Variants in CCDC158 observed in about 807,000 individuals in gnomAD.
CCDC158 encodes coiled-coil domain-containing protein 158.
In CCDC158, 116 loss-of-function variants were observed where a neutral mutation model predicts 138.6. The observed-to-expected ratio is 0.84, with a 90% CI of 0.72 to 0.98. The LOEUF (loss-of-function observed/expected upper bound fraction) is 0.98, where lower values mean the gene tolerates loss of function less well. CCDC158 is among the 50% of genes least tolerant of loss of function. The pLI is 0.00. For missense variants in CCDC158, 1,265 were observed against 1,306.1 expected, an observed-to-expected ratio of 0.97 and a Z score of 0.48; for synonymous variants, 436 against 442.4, an observed-to-expected ratio of 0.99 and a Z score of 0.18.
rs182481023 is a variant in CCDC158 at position 76,388,099 on chromosome 4, G to C, written c.289-3434C>G. On this transcript the variant is annotated intron_variant, in intron 4 of 24. Transcript: ENST00000682701. ...GTGATACCCTGAGAGTATGCTTTGG[G>C]CCTTGGGCTCTGAGATGTGCTGGCT... 2.9e-3 allele frequency among the ~76,000 whole-genome samples: 438 copies of C among 152,224 alleles called. 3 individuals carry two copies. Among genetic ancestry groups the C allele is most frequent in the African/African-American group, 0.01 (423 of 41,528 alleles).
chr4:76,349,633 A>C (rs979505618), intron 18 of CCDC158, among the ~76,000 whole-genome samples: 2 of 152,226 alleles, frequency 1.3e-5, no homozygotes, highest in African/African-American at 4.8e-5. Context: ...GCACCATTGC[A>C]CTCCAGCCTC....
At chr4:76,384,753 C>A (rs910596351) in intron 4 of CCDC158, 88 bp from the exon 5 acceptor site, 6 of 872,890 alleles carry the variant, frequency 6.9e-6, no homozygotes, top group African/African-American at 3.4e-5. Context: ...TATATATTTT[C>A]AATTCATTTT....
At chr4:76,345,046 C>T (rs879107056) in intron 18 of CCDC158, 15 of 1,362,212 alleles carry the variant, frequency 1.1e-5, no homozygotes, top group Admixed American at 3.4e-5. Context: ...ATAGGATCAA[C>T]GATTCTTGTG....
chr4:76,324,311 C>T (rs1720323837), intron 23 of CCDC158, among the ~76,000 whole-genome samples: 1 of 151,826 alleles, frequency 6.6e-6, no homozygotes, highest in African/African-American at 2.4e-5. Context: ...CCTCAGCCTC[C>T]CAAGTAGCTG....
intron 8 of CCDC158, among the ~76,000 whole-genome samples, chr4:76,380,739 G>A (rs1379710914): frequency 6.6e-6 from 1 of 152,208 alleles, no homozygotes; most frequent in East Asian, 1.9e-4. Context: ...TGGGGAAAAT[G>A]TCTCCGGGGC....
intron 1 of CCDC158, among the ~76,000 whole-genome samples, chr4:76,416,522 C>A (rs1277338525): frequency 1.3e-5 from 2 of 152,236 alleles, no homozygotes; most frequent in Non-Finnish European, 2.9e-5. Context: ...TGGCAGCCCA[C>A]CCCAACACAG....
intron 3 of CCDC158, 31 bp downstream of exon 3, chr4:76,403,107 T>C: frequency 6.8e-7 from 1 of 1,464,892 alleles, no homozygotes; most frequent in Non-Finnish European, 9.5e-7. Context: ...ATTCTATTTT[T>C]TCCCCATTTT....
At chr4:76,386,722 T>C (rs1726827298) in intron 4 of CCDC158, among the ~76,000 whole-genome samples, 1 of 152,182 alleles carries the variant, frequency 6.6e-6, no homozygotes, top group Non-Finnish European at 1.5e-5. Context: ...GAATCTCCAA[T>C]GCCACCCCTT....
intron 24 of CCDC158, among the ~76,000 whole-genome samples, chr4:76,317,067 GA>G (rs1018882534): frequency 1.1e-4 from 16 of 140,208 alleles, no homozygotes; most frequent in East Asian, 4.1e-4. Context: ...ATAACACAAT[GA>G]AAAAAAAAAC....
chr4:76,417,102 T>C (rs1467320822), intron 1 of CCDC158, among the ~76,000 whole-genome samples: 1 of 152,198 alleles, frequency 6.6e-6, no homozygotes, highest in Non-Finnish European at 1.5e-5. Context: ...TGGGAACCCA[T>C]CTCTCGCATC....
chr4:76,390,291 T>A (rs1312747339), intron 4 of CCDC158, among the ~76,000 whole-genome samples: 3 of 152,134 alleles, frequency 2.0e-5, no homozygotes, highest in Admixed American at 6.5e-5. Context: ...TGTCATCACT[T>A]TTTAAGTGAT....
rs371825093 is a variant in CCDC158, at chr4:76,331,428, TCA to T, written c.2883-27_2883-26del. ...TCTGTTGGTAGAGGGATGGGAGAAA[TCA>T]CAGTTTAAATAATGTTATTTCCTTA... On this transcript the variant is annotated intron_variant, in intron 20 of 24. Coordinates refer to ENST00000682701, the MANE Select transcript of CCDC158 (RefSeq NM_001394954.1). 5.7e-4 allele frequency: 918 copies of T among 1,599,814 alleles called. 6 individuals are homozygous for T. The African/African-American group carries it at 0.01, about 18-fold the overall frequency.
At position 76,400,608 on chromosome 4, in the gene CCDC158, C is replaced by A. The variant is rs141199406; in HGVS notation, c.70+2530G>T. Reference sequence around the variant, plus strand: ...CTGCACTACCCACCCACCACCCCCCCAAAAAAAAGAATGGTGTGATTTTGA... The same window carrying A: ...CTGCACTACCCACCCACCACCCCCCAAAAAAAAAGAATGGTGTGATTTTGA... On this transcript the variant is annotated intron_variant, in intron 3 of 24. Transcript: ENST00000682701. Among the ~76,000 whole-genome samples the A allele has an allele frequency of 2.1e-3, 318 of 148,522 alleles. 1 individual carries two copies. Among genetic ancestry groups the A allele is most frequent in the South Asian group, 3.2e-3 (15 of 4,746 alleles).
At chr4:76,377,060 A>T (rs1725784578) in intron 9 of CCDC158, among the ~76,000 whole-genome samples, 1 of 152,248 alleles carries the variant, frequency 6.6e-6, no homozygotes. Context: ...AAAGATTTAA[A>T]TGCTTATAAA....
In CCDC158 at chr4:76,367,416, G is replaced by C; in HGVS notation, c.1708C>G (p.Gln570Glu). The change falls in exon 12 of 25, where the codon CAG (glutamine) becomes GAG (glutamate). Residue 570 changes from glutamine (Q) to glutamate (E), a missense_variant. Physicochemically the swap from Gln to Glu is conservative, Grantham distance 29 (BLOSUM62 2). Transcript: ENST00000682701. ...ACCAGCTGTGTCATGTTCTCAATCT[G>C]CTGTCGCAGAATCTCGATCACCTTG... ...KDKVIEILRQQIENMTQLVGQ... is the reference protein window; with the variant it reads ...KDKVIEILRQEIENMTQLVGQ... 1 of 1,614,220 alleles carries C rather than the reference G, an allele frequency of 6.2e-7. No individual in the cohort carries two copies. Among genetic ancestry groups the C allele is most frequent in the Non-Finnish European group, 8.5e-7 (1 of 1,180,044 alleles).
At chr4:76,338,692 T>C (rs932806994) in intron 18 of CCDC158, among the ~76,000 whole-genome samples, 3 of 152,222 alleles carry the variant, frequency 2.0e-5, no homozygotes, top group African/African-American at 7.2e-5. Flanking sequence ...ACTGTACAGC[T>C]GCACCTGGTG....
chr4:76,405,405 G>A (rs1546497), intron 2 of CCDC158, among the ~76,000 whole-genome samples: 130,654 of 152,184 alleles, frequency 0.86, 56,374 homozygotes, highest in South Asian at 0.97. Flanking sequence ...CATTCACCCA[G>A]AAGACCACTG....
chr4:76,345,416 C>A, intron 18 of CCDC158: 1 of 942,228 alleles, frequency 1.1e-6, no homozygotes, highest in Non-Finnish European at 1.8e-6. Context: ...AGGAGTGCTG[C>A]CTGAAATTTG....
Position 76,325,888 on chromosome 4 carries a change from G to C in CCDC158, c.3138C>G (p.Ala1046=). Residue 1046 remains alanine, a synonymous_variant, in exon 23 of 25, where the codon GCC becomes GCG. Transcript: ENST00000682701. ...CAGAATCAGATGAATGAATAGGTTT[G>C]GCAGATCTATACTGTGATGTGGAAC... ...SIGSTSQYRS[A]KPIHSSDSVK... 1 of 1,612,070 alleles carries C rather than the reference G, an allele frequency of 6.2e-7. No homozygotes were observed. The highest frequency in any genetic ancestry group is 8.5e-7 in the Non-Finnish European group (1 of 1,179,184).
Sources: gnomAD v4.1 joint callset for allele counts (sites outside exome capture counted in the v4.1 genomes callset) on GRCh38, gnomAD v4.1.1 for gene constraint, MANE v1.5 for transcripts, NCBI Gene and HGNC (gene_info 2026-07-23, HGNC 2026-07-21) for gene names.